CTNNA3: variants seen among roughly 807,000 people sequenced by gnomAD.
CTNNA3 encodes catenin alpha-3.
In CTNNA3, 76 loss-of-function variants were observed where a neutral mutation model predicts 95.7. The ratio of observed to expected loss-of-function variants is 0.79; its 90% confidence interval spans 0.66 to 0.96. The LOEUF is 0.96. CTNNA3 is among the 40% of genes least tolerant of loss of function. The probability of loss-of-function intolerance (pLI) is 0.00; values close to 1 mark genes in which losing one functional copy is unlikely to be tolerated. For synonymous variants in CTNNA3, 431 were observed against 374.4 expected (o/e 1.15, Z -1.74); for missense variants, 1,191 against 1,089.8 (o/e 1.09, Z -1.31).
intron 9 of CTNNA3, among the ~76,000 whole-genome samples, chr10:66,756,833 A>C (rs1406043420): frequency 6.6e-6 from 1 of 152,188 alleles, no homozygotes; most frequent in Non-Finnish European, 1.5e-5. Flanking sequence ...TAGATCTTAT[A>C]GACATCTTTA....
At chr10:66,684,193 G>T (rs945430025) in intron 9 of CTNNA3, among the ~76,000 whole-genome samples, 2 of 152,088 alleles carry the variant, frequency 1.3e-5, no homozygotes, top group Non-Finnish European at 2.9e-5. Context: ...TATCTGGCTT[G>T]TCACCACAGG....
At chr10:66,334,496 T>C (rs994112400) in intron 12 of CTNNA3, among the ~76,000 whole-genome samples, 4 of 151,918 alleles carry the variant, frequency 2.6e-5, no homozygotes, top group African/African-American at 7.2e-5. Flanking sequence ...TTATGAAGCT[T>C]AGTTTGGCTG....
intron 5 of CTNNA3, among the ~76,000 whole-genome samples, chr10:67,358,180 T>C (rs1294025044): frequency 6.6e-6 from 1 of 152,134 alleles, no homozygotes; most frequent in African/African-American, 2.4e-5. Flanking sequence ...CTTTAACTCC[T>C]AGAAGAAAAC....
intron 7 of CTNNA3, among the ~76,000 whole-genome samples, chr10:67,160,931 G>A (rs931716131): frequency 6.6e-6 from 1 of 152,156 alleles, no homozygotes; most frequent in Non-Finnish European, 1.5e-5. Context: ...GCTAGTCACA[G>A]AAGAACAAAT....
At chr10:67,615,930 C>T (rs1404589171) in intron 2 of CTNNA3, among the ~76,000 whole-genome samples, 3 of 152,054 alleles carry the variant, frequency 2.0e-5, no homozygotes, top group Non-Finnish European at 4.4e-5. Context: ...TCTCAAAATG[C>T]TCAGATTACA....
intron 11 of CTNNA3, among the ~76,000 whole-genome samples, chr10:66,381,147 G>A (rs1390633136): frequency 6.6e-6 from 1 of 152,112 alleles, no homozygotes; most frequent in Non-Finnish European, 1.5e-5. Context: ...CTATTATTCT[G>A]TTATACATAT....
intron 11 of CTNNA3, among the ~76,000 whole-genome samples, chr10:66,410,345 T>C (rs1195369907): frequency 1.3e-5 from 2 of 152,168 alleles, no homozygotes; most frequent in African/African-American, 4.8e-5. Flanking sequence ...TTCCCTCTAG[T>C]AGTTCCATCA....
chr10:66,080,488 T>A (rs1359030724), intron 14 of CTNNA3, among the ~76,000 whole-genome samples: 2 of 152,146 alleles, frequency 1.3e-5, no homozygotes, highest in South Asian at 2.1e-4. Context: ...TAAAATGACT[T>A]AACATTGCAA....
chr10:66,418,921 C>T (rs1005636089), intron 11 of CTNNA3, among the ~76,000 whole-genome samples: 2 of 152,016 alleles, frequency 1.3e-5, no homozygotes, highest in Middle Eastern at 3.2e-3. Flanking sequence ...TAGCATTATA[C>T]TGAATGGGGA....
At chr10:66,230,343 A>T (rs1419979243) in intron 13 of CTNNA3, among the ~76,000 whole-genome samples, 1 of 152,004 alleles carries the variant, frequency 6.6e-6, no homozygotes, top group African/African-American at 2.4e-5. Context: ...AATAGTTTTA[A>T]TAGGGAAAGA....
At chr10:66,309,789 G>A (rs1452686450) in intron 12 of CTNNA3, among the ~76,000 whole-genome samples, 1 of 149,560 alleles carries the variant, frequency 6.7e-6, no homozygotes, top group Non-Finnish European at 1.5e-5. Flanking sequence ...GCCAAGTGCA[G>A]TGGCTCACGC....
At chr10:66,741,125 A>G (rs1397093633) in intron 9 of CTNNA3, among the ~76,000 whole-genome samples, 1 of 152,204 alleles carries the variant, frequency 6.6e-6, no homozygotes, top group African/African-American at 2.4e-5. Context: ...TTATGATTAG[A>G]TTTTTTAAAT....
intron 11 of CTNNA3, among the ~76,000 whole-genome samples, chr10:66,420,540 C>T (rs1267800583): frequency 6.6e-6 from 1 of 151,662 alleles, no homozygotes; most frequent in African/African-American, 2.4e-5. Context: ...GTGGATCATG[C>T]CTGTAATTGC....
chr10:67,296,417 T>C (rs752325306), intron 5 of CTNNA3, among the ~76,000 whole-genome samples: 1 of 152,188 alleles, frequency 6.6e-6, no homozygotes, highest in Non-Finnish European at 1.5e-5. Flanking sequence ...AAAAGGTCTG[T>C]TAATTGAAGG....
At chr10:67,262,130 GA>G (rs1338336280) in intron 5 of CTNNA3, among the ~76,000 whole-genome samples, 2 of 151,820 alleles carry the variant, frequency 1.3e-5, no homozygotes, top group Non-Finnish European at 2.9e-5. Context: ...AAATAAATGG[GA>G]AAAGAGAAAG....
At chr10:66,965,591 A>G (rs1368196897) in intron 7 of CTNNA3, among the ~76,000 whole-genome samples, 6 of 150,468 alleles carry the variant, frequency 4.0e-5, no homozygotes, top group Non-Finnish European at 8.9e-5. Flanking sequence ...TAATTAAACC[A>G]AACTAAATAT....
chr10:66,007,891 C>A (rs573624725), intron 15 of CTNNA3, among the ~76,000 whole-genome samples: 1 of 151,160 alleles, frequency 6.6e-6, no homozygotes, highest in East Asian at 2.0e-4. Flanking sequence ...GGAAGGTGTG[C>A]GTGCTGTGCT....
intron 13 of CTNNA3, among the ~76,000 whole-genome samples, chr10:66,148,900 A>G (rs2084038358): frequency 6.6e-6 from 1 of 151,838 alleles, no homozygotes; most frequent in South Asian, 2.1e-4. Flanking sequence ...ATCATATTCA[A>G]TAAGTTTTAA....
At chr10:67,456,088 A>C (rs1426583289) in intron 5 of CTNNA3, among the ~76,000 whole-genome samples, 2 of 152,172 alleles carry the variant, frequency 1.3e-5, no homozygotes, top group Non-Finnish European at 2.9e-5. Flanking sequence ...CAAGCCATGC[A>C]TAATTTTATA....
Sources: allele counts gnomAD v4.1 joint callset (sites outside exome capture counted in the v4.1 genomes callset), GRCh38; gene constraint gnomAD v4.1.1; transcripts MANE v1.5; gene names NCBI Gene and HGNC (gene_info 2026-07-23, HGNC 2026-07-21).